Variants in CALN1 observed in about 807,000 individuals in gnomAD.
CALN1 encodes calcium-binding protein 8.
A neutral mutation model predicts 30.6 loss-of-function variants in CALN1; 17 were observed. That is an observed-to-expected ratio of 0.56 (90% CI 0.38 to 0.83). The LOEUF (loss-of-function observed/expected upper bound fraction) is 0.83. Among genes scored for constraint, CALN1 ranks in the 40% least tolerant of loss-of-function variants. The pLI is 0.00. For synonymous variants in CALN1, 156 were observed against 131.4 expected (o/e 1.19, Z -1.28); for missense variants, 291 against 354.9 (o/e 0.82, Z 1.45).
At chr7:72,098,950 CTGTT>C (rs1806443348) in intron 4 of CALN1, among the ~76,000 whole-genome samples, 1 of 152,158 alleles carries the variant, frequency 6.6e-6, no homozygotes, top group Admixed American at 6.5e-5. Flanking sequence ...AGGGAGATGA[CTGTT>C]CCATGTGTAG....
chr7:72,205,564 A>G (rs1291274397), intron 3 of CALN1, among the ~76,000 whole-genome samples: 8 of 118,594 alleles, frequency 6.7e-5, no homozygotes, highest in African/African-American at 2.9e-4. Context: ...ATATATATAT[A>G]TATGTATATA....
intron 5 of CALN1, among the ~76,000 whole-genome samples, chr7:71,918,076 T>C (rs537606281): frequency 4.6e-5 from 7 of 152,280 alleles, no homozygotes; most frequent in African/African-American, 1.7e-4. Flanking sequence ...TAATAACCCC[T>C]GACTTGCCTA....
chr7:71,862,721 A>G (rs527844016), intron 5 of CALN1, among the ~76,000 whole-genome samples: 1 of 152,342 alleles, frequency 6.6e-6, no homozygotes, highest in South Asian at 2.1e-4. Context: ...CTTTAGATAC[A>G]TTATCCTGAC....
At chr7:72,395,948 A>T (rs890072415) in intron 2 of CALN1, among the ~76,000 whole-genome samples, 1 of 152,046 alleles carries the variant, frequency 6.6e-6, no homozygotes, top group African/African-American at 2.4e-5. Flanking sequence ...AAATATATAT[A>T]TTTTAACTCA....
chr7:72,070,213 G>A (rs769351029), intron 4 of CALN1, among the ~76,000 whole-genome samples: 2 of 152,228 alleles, frequency 1.3e-5, no homozygotes, highest in Admixed American at 6.5e-5. Flanking sequence ...AGAGGAAGGT[G>A]AAATGCCTTT....
intron 2 of CALN1, among the ~76,000 whole-genome samples, chr7:72,364,392 C>T (rs1309801168): frequency 2.0e-5 from 3 of 152,152 alleles, no homozygotes; most frequent in East Asian, 3.8e-4. Flanking sequence ...GGAATTACAA[C>T]TATAGATGTA....
intron 2 of CALN1, among the ~76,000 whole-genome samples, chr7:72,290,133 A>G (rs1469003426): frequency 7.2e-6 from 1 of 139,754 alleles, no homozygotes; most frequent in Non-Finnish European, 1.5e-5. Context: ...AAAAGGATGC[A>G]TTTAATAGTC....
chr7:71,821,844 G>A (rs1321253984), intron 5 of CALN1, among the ~76,000 whole-genome samples: 1 of 148,724 alleles, frequency 6.7e-6, no homozygotes, highest in Non-Finnish European at 1.5e-5. Flanking sequence ...CTGGAGTACA[G>A]TGGTGTGATC....
At chr7:71,954,212 C>T (rs113260569) in intron 5 of CALN1, among the ~76,000 whole-genome samples, 1,689 of 152,164 alleles carry the variant, frequency 0.011, 30 homozygotes, top group African/African-American at 0.038. Context: ...GTAATCATAG[C>T]GCTTTGGGAG....
chr7:72,499,097 C>T, the CALN1 span, among the ~76,000 whole-genome samples: 6 of 152,150 alleles, frequency 3.9e-5, no homozygotes, highest in Non-Finnish European at 8.8e-5. Context: ...GTGGTGCAAT[C>T]TCAGCTCACT....
chr7:72,003,516 C>T (rs116858843), intron 5 of CALN1, among the ~76,000 whole-genome samples: 4,398 of 152,252 alleles, frequency 0.029, 156 homozygotes, highest in Non-Finnish European at 0.034. Flanking sequence ...CTTCCCATCG[C>T]TCGCATTACC....
At chr7:71,793,433 G>C (rs925325126) in intron 6 of CALN1, among the ~76,000 whole-genome samples, 1 of 152,210 alleles carries the variant, frequency 6.6e-6, no homozygotes, top group Non-Finnish European at 1.5e-5. Context: ...ACCACATTCT[G>C]ACATCATCAC....
chr7:71,956,601 A>G (rs963322746), intron 5 of CALN1, among the ~76,000 whole-genome samples: 5 of 151,728 alleles, frequency 3.3e-5, no homozygotes, highest in Non-Finnish European at 7.4e-5. Context: ...TGCTGGGATT[A>G]CAGGGGCTGA....
chr7:72,086,788 AAT>A (rs377570754), intron 4 of CALN1, among the ~76,000 whole-genome samples: 2 of 152,210 alleles, frequency 1.3e-5, no homozygotes, highest in Admixed American at 6.5e-5. Context: ...AAAATAAAAA[AAT>A]AGTCAAACTT....
intron 2 of CALN1, among the ~76,000 whole-genome samples, chr7:72,299,042 G>A (rs1799064874): frequency 2.0e-5 from 3 of 152,000 alleles, no homozygotes; most frequent in African/African-American, 7.3e-5. Context: ...CCCCTAACCA[G>A]GCACTTGTGT....
intron 3 of CALN1, among the ~76,000 whole-genome samples, chr7:72,118,131 T>C (rs1179634536): frequency 1.3e-5 from 2 of 152,098 alleles, no homozygotes; most frequent in Non-Finnish European, 2.9e-5. Flanking sequence ...GCCTTTCTCA[T>C]TACCTCATAG....
At chr7:72,254,338 G>C (rs931384536) in intron 3 of CALN1, among the ~76,000 whole-genome samples, 6 of 152,162 alleles carry the variant, frequency 3.9e-5, no homozygotes, top group Non-Finnish European at 7.3e-5. Context: ...AATTTGGGGA[G>C]AATGCAGAGA....
chr7:72,049,937 G>A (rs910886958), intron 4 of CALN1, among the ~76,000 whole-genome samples: 9 of 151,292 alleles, frequency 5.9e-5, no homozygotes, highest in Admixed American at 2.0e-4. Context: ...AGGCTCGTGA[G>A]TAGCTGGGAC....
chr7:71,943,134 CTG>C (rs36122177), intron 5 of CALN1, among the ~76,000 whole-genome samples: 52,680 of 151,998 alleles, frequency 0.35, 9,562 homozygotes, highest in African/African-American at 0.44. Flanking sequence ...CCTCCTGAGG[CTG>C]TGTCACGGGT....
Sources: allele counts gnomAD v4.1 joint callset (sites outside exome capture counted in the v4.1 genomes callset), GRCh38; gene constraint gnomAD v4.1.1; transcripts MANE v1.5; gene names NCBI Gene and HGNC (gene_info 2026-07-23, HGNC 2026-07-21).